Variants in WDPCP observed in about 807,000 individuals in gnomAD.
WDPCP encodes WD repeat-containing and planar cell polarity effector protein fritz homolog.
A neutral mutation model predicts 93.1 loss-of-function variants in WDPCP; 71 were observed. The observed-to-expected ratio is 0.76, with a 90% CI of 0.63 to 0.93. The LOEUF (loss-of-function observed/expected upper bound fraction) is 0.93. Among genes scored for constraint, WDPCP ranks in the 40% least tolerant of loss-of-function variants. WDPCP has a pLI of 0.00. For missense variants in WDPCP, 844 were observed against 887.4 expected (o/e 0.95, Z 0.62); for synonymous variants, 315 against 315.0 (o/e 1.00, Z 0.00).
chr2:63,484,941 G>C lies in WDPCP; in HGVS notation c.300C>G (p.Leu100=). 1 of 1,612,606 alleles carries C rather than the reference G, an allele frequency of 6.2e-7. No individual in the cohort carries two copies. ...CCTCCAACTCTTTGAGCGAGTCTCG[G>C]AGTTTTTCTGGGCGTCTGTTTTTGA... ...WTLKNRRPEK[L]RDSLKELEEL... is the part of the protein sequence containing the mutation. Residue 100 remains leucine (L), a synonymous_variant, in exon 5 of 18, where the codon CTC becomes CTG. Transcript: ENST00000272321.
At chr2:63,818,504 A>T (rs1053812806) in intron 1 of WDPCP, among the ~76,000 whole-genome samples, 1 of 152,318 alleles carries the variant, frequency 6.6e-6, no homozygotes, top group Non-Finnish European at 1.5e-5. Flanking sequence ...TTTAATTACT[A>T]AGAAAACATA....
At chr2:63,234,297 A>G (rs1040201803) in intron 14 of WDPCP, among the ~76,000 whole-genome samples, 5 of 148,466 alleles carry the variant, frequency 3.4e-5, no homozygotes, top group African/African-American at 1.2e-4. Context: ...TGAGATAACA[A>G]TATTAAATGA....
chr2:63,158,305 G>T (rs940477160), intron 15 of WDPCP, among the ~76,000 whole-genome samples: 2 of 152,142 alleles, frequency 1.3e-5, no homozygotes, highest in Admixed American at 6.5e-5. Context: ...TCTATCAGTT[G>T]TTGAGAAAGG....
At chr2:63,741,010 T>C (rs1035678218) in intron 2 of WDPCP, among the ~76,000 whole-genome samples, 4 of 152,188 alleles carry the variant, frequency 2.6e-5, no homozygotes, top group African/African-American at 9.6e-5. Context: ...AATTTTGGTA[T>C]TAATCAAAAT....
intron 3 of WDPCP, among the ~76,000 whole-genome samples, chr2:63,609,019 A>T (rs1709585875): frequency 6.6e-6 from 1 of 152,170 alleles, no homozygotes; most frequent in Non-Finnish European, 1.5e-5. Flanking sequence ...TTCTCGTGAC[A>T]TTAGGACTGG....
At chr2:63,834,346 T>C in the WDPCP span, among the ~76,000 whole-genome samples, 1 of 152,220 alleles carries the variant, frequency 6.6e-6, no homozygotes, top group African/African-American at 2.4e-5. Flanking sequence ...CTCTTAACAT[T>C]TTCTTTGTAA....
intron 1 of WDPCP, among the ~76,000 whole-genome samples, chr2:63,567,700 T>C (rs1017534241): frequency 5.9e-5 from 9 of 152,174 alleles, no homozygotes; most frequent in African/African-American, 2.2e-4. Flanking sequence ...CCCATATTCT[T>C]TATTTTCATA....
chr2:63,709,057 CAAAAAAAAAAA>C (rs953764802), intron 2 of WDPCP, among the ~76,000 whole-genome samples: 2 of 12,076 alleles, frequency 1.7e-4, no homozygotes, highest in East Asian at 1.8e-3. Flanking sequence ...CCTGTCTCTA[CAAAAAAAAAAA>C]AAAAAAAAAA....
At position 63,633,331 on chromosome 2, in the gene WDPCP, C is replaced by A. The variant is rs182954689; in HGVS notation, n.488+17328G>T. On this transcript the variant is annotated intron_variant and non_coding_transcript_variant, in intron 3 of 4. Transcript: ENST00000467687. ...AATATATAGTCAAATTCAGAATGTG[C>A]TAATTATTGTAATAGTATAAAGGTT... Among the ~76,000 whole-genome samples, 3 of 152,018 alleles carry A rather than the reference C, an allele frequency of 2.0e-5. No homozygotes were observed. In the East Asian group the frequency reaches 5.8e-4, roughly 29 times the overall value.
At chr2:63,473,156 T>C (rs941309600) in intron 6 of WDPCP, among the ~76,000 whole-genome samples, 1 of 152,208 alleles carries the variant, frequency 6.6e-6, no homozygotes, top group Non-Finnish European at 1.5e-5. Flanking sequence ...TTGGCACAGC[T>C]ACCTTTTCAG....
rs758933889 is a variant in WDPCP at position 63,433,790 on chromosome 2, G to T, written c.780C>A (p.Asp260Glu). 1 of 1,612,364 alleles carries T rather than the reference G, an allele frequency of 6.2e-7. No individual in the cohort carries two copies. The highest frequency in any genetic ancestry group is 1.1e-5 in the South Asian group (1 of 91,002). Residue 260 changes from aspartate to glutamate, a missense_variant, in exon 9 of 18, where the codon GAC (aspartate) becomes GAA (glutamate). Asp to Glu is a conservative substitution (Grantham distance 45). Coordinates refer to ENST00000272321, the MANE Select transcript of WDPCP (RefSeq NM_015910.7). ...WPWAPISSEKDRANLLLLGYA... is the reference protein window; with the variant it reads ...WPWAPISSEKERANLLLLGYA... ...AACCCAGGAGGAGTAGATTGGCTCT[G>T]TCCTTCTCAGAAGAAATGGGGGCCC...
chr2:63,554,061 C>T (rs1238217484), intron 1 of WDPCP, among the ~76,000 whole-genome samples: 2 of 152,194 alleles, frequency 1.3e-5, no homozygotes, highest in African/African-American at 2.4e-5. Flanking sequence ...GCCAGTTTCA[C>T]CCATTGTTCC....
intron 17 of WDPCP, among the ~76,000 whole-genome samples, chr2:63,132,901 C>T (rs976590216): frequency 3.3e-5 from 5 of 152,108 alleles, no homozygotes; most frequent in Middle Eastern, 3.4e-3. Context: ...TCCATGTTTC[C>T]GTTTCTTTTT....
chr2:63,541,173 G>T (rs967589891), intron 1 of WDPCP, among the ~76,000 whole-genome samples: 1 of 151,932 alleles, frequency 6.6e-6, no homozygotes, highest in Non-Finnish European at 1.5e-5. Flanking sequence ...GGTTTTTGCC[G>T]TGTTGGTCAG....
intron 14 of WDPCP, among the ~76,000 whole-genome samples, chr2:63,215,453 T>C (rs1490556731): frequency 1.3e-5 from 2 of 152,242 alleles, no homozygotes; most frequent in African/African-American, 4.8e-5. Context: ...AAACAAGAAA[T>C]GGGGAAAGGA....
intron 1 of WDPCP, chr2:63,571,723 T>TG (rs374373313): frequency 9.1e-6 from 4 of 440,522 alleles, no homozygotes; most frequent in African/African-American, 6.1e-5. Context: ...CAAACATTCT[T>TG]GGACACAAGA....
chr2:63,148,376 G>A (rs966975737), intron 17 of WDPCP, among the ~76,000 whole-genome samples: 3 of 152,124 alleles, frequency 2.0e-5, no homozygotes, highest in African/African-American at 7.2e-5. Flanking sequence ...GTCTCATTCT[G>A]TCGCCCAGGC....
Position 63,576,284 on chromosome 2 carries a change from C to T in WDPCP, c.75+11913G>A, listed in dbSNP as rs147564224. On this transcript the variant is annotated intron_variant, in intron 1 of 17. Coordinates refer to ENST00000272321, the MANE Select transcript of WDPCP (RefSeq NM_015910.7). ...ATCACAAACCCCATGTTGTGACCTGCGCATCTGACCAACTGGCTATATATC... is the reference window on the plus strand; with the variant it reads ...ATCACAAACCCCATGTTGTGACCTGTGCATCTGACCAACTGGCTATATATC... Among the ~76,000 whole-genome samples, 800 of 152,240 alleles carry T rather than the reference C, an allele frequency of 5.3e-3. 21 individuals are homozygous for T. Among genetic ancestry groups the T allele is most frequent in the East Asian group, 0.02 (101 of 5,172 alleles).
chr2:63,149,511 A>G (rs1396882685), intron 17 of WDPCP, among the ~76,000 whole-genome samples: 1 of 152,236 alleles, frequency 6.6e-6, no homozygotes, highest in Non-Finnish European at 1.5e-5. Flanking sequence ...TTCACTCCTA[A>G]GTATATACCC....
Sources: gnomAD v4.1 joint callset for allele counts (sites outside exome capture counted in the v4.1 genomes callset) on GRCh38, gnomAD v4.1.1 for gene constraint, MANE v1.5 for transcripts, NCBI Gene and HGNC (gene_info 2026-07-23, HGNC 2026-07-21) for gene names.